XRCC4: variants seen among roughly 807,000 people sequenced by gnomAD.
XRCC4 encodes the protein DNA repair protein XRCC4.
Under a neutral mutation model 39.1 loss-of-function variants are expected in XRCC4, and 28 were observed. That is an observed-to-expected ratio of 0.72 (90% confidence interval 0.53 to 0.98). XRCC4 has a LOEUF of 0.98. Among genes scored for constraint, XRCC4 ranks in the 50% least tolerant of loss-of-function variants. The pLI is 0.00. For synonymous variants in XRCC4, 123 were observed against 126.4 expected, an observed-to-expected ratio of 0.97 and a Z score of 0.18; for missense variants, 350 against 376.4, an observed-to-expected ratio of 0.93 and a Z score of 0.58.
intron 6 of XRCC4, among the ~76,000 whole-genome samples, chr5:83,229,140 T>C (rs1276690011): frequency 6.6e-6 from 1 of 152,034 alleles, no homozygotes; most frequent in African/African-American, 2.4e-5. Flanking sequence ...CCACTTCTCT[T>C]GATATAAAGT....
chr5:83,118,044 CCACACACACACACA>C (rs34524513), intron 3 of XRCC4, among the ~76,000 whole-genome samples: 1 of 118,440 alleles, frequency 8.4e-6, no homozygotes, highest in Non-Finnish European at 1.8e-5. Flanking sequence ...ATATACATCT[CCACACACACACACA>C]CACACACACA....
At chr5:83,165,236 A>G (rs886358264) in intron 3 of XRCC4, among the ~76,000 whole-genome samples, 1 of 152,152 alleles carries the variant, frequency 6.6e-6, no homozygotes, top group Non-Finnish European at 1.5e-5. Flanking sequence ...TAAAATTAAC[A>G]TAGCTGCTGT....
chr5:83,304,203 G>A (rs771989700), intron 7 of XRCC4, among the ~76,000 whole-genome samples: 11 of 138,590 alleles, frequency 7.9e-5, no homozygotes, highest in East Asian at 2.1e-4. Context: ...TTTTTGAGAC[G>A]GAGTCTCACT....
intron 3 of XRCC4, among the ~76,000 whole-genome samples, chr5:83,113,839 G>A (rs539176247): frequency 6.6e-6 from 1 of 152,204 alleles, no homozygotes; most frequent in East Asian, 1.9e-4. Flanking sequence ...TGTTAGCCAA[G>A]ATGGTCTCAA....
chr5:83,312,520 G>C (rs1755741388), intron 7 of XRCC4, among the ~76,000 whole-genome samples: 1 of 152,158 alleles, frequency 6.6e-6, no homozygotes, highest in African/African-American at 2.4e-5. Flanking sequence ...CTTAACTTCT[G>C]CTCTCTAAGA....
At chr5:83,167,281 G>C (rs1749528105) in intron 3 of XRCC4, among the ~76,000 whole-genome samples, 1 of 151,826 alleles carries the variant, frequency 6.6e-6, no homozygotes, top group Non-Finnish European at 1.5e-5. Context: ...CAAGTGGACA[G>C]AGATTGTGAC....
chr5:83,168,179 A>T (rs1749568826), intron 3 of XRCC4, among the ~76,000 whole-genome samples: 1 of 152,178 alleles, frequency 6.6e-6, no homozygotes, highest in South Asian at 2.1e-4. Flanking sequence ...TAAGGATTGT[A>T]AACATTGGAA....
In XRCC4 at chr5:83,251,119, A is replaced by G. The variant is rs1475481783; in HGVS notation, c.746-7411A>G. 2.0e-5 allele frequency among the ~76,000 whole-genome samples: 3 copies of G among 152,220 alleles called. No homozygotes were observed. The East Asian group carries it at 5.8e-4, about 29-fold the overall frequency. ...AATTTACCTTAATATTTGCCTCTGC[A>G]TAGAATAGTTCATAAAACACTCAAT... On this transcript the variant is annotated intron_variant, in intron 6 of 7. Coordinates refer to ENST00000396027, the MANE Select transcript of XRCC4 (RefSeq NM_003401.5).
chr5:83,309,266 C>CAAAAAAAAAAAA (rs59326460), intron 7 of XRCC4, among the ~76,000 whole-genome samples: 1 of 17,388 alleles, frequency 5.8e-5, no homozygotes, highest in Non-Finnish European at 1.3e-4. Flanking sequence ...GACTCCGTCT[C>CAAAAAAAAAAAA]AAAAAAAAAA....
chr5:83,272,370 G>T (rs1387981128), intron 7 of XRCC4, among the ~76,000 whole-genome samples: 1 of 152,040 alleles, frequency 6.6e-6, no homozygotes, highest in Non-Finnish European at 1.5e-5. Flanking sequence ...CTACACTTCT[G>T]TTAGTGTGGG....
At chr5:83,368,196 G>T in the XRCC4 span, among the ~76,000 whole-genome samples, 1 of 152,134 alleles carries the variant, frequency 6.6e-6, no homozygotes, top group Non-Finnish European at 1.5e-5. Flanking sequence ...AAGAGTCAAA[G>T]AATTGAGTTC....
chr5:83,124,874 G>T (rs1420533914), intron 3 of XRCC4, among the ~76,000 whole-genome samples: 3 of 152,184 alleles, frequency 2.0e-5, no homozygotes, highest in African/African-American at 7.2e-5. Flanking sequence ...GATTGTGAAT[G>T]CAGGGCTGTA....
At chr5:83,175,471 AT>A (rs1413975858) in intron 3 of XRCC4, among the ~76,000 whole-genome samples, 2 of 152,228 alleles carry the variant, frequency 1.3e-5, no homozygotes, top group Non-Finnish European at 2.9e-5. Context: ...TAAATAAACT[AT>A]TAGTAATTCA....
At chr5:83,087,015 T>TA (rs1301802037) in intron 1 of XRCC4, among the ~76,000 whole-genome samples, 1 of 152,130 alleles carries the variant, frequency 6.6e-6, no homozygotes, top group Non-Finnish European at 1.5e-5. Flanking sequence ...AAGGTTTAAT[T>TA]AAAAAATCAG....
At chr5:83,124,642 T>C (rs928784570) in intron 3 of XRCC4, among the ~76,000 whole-genome samples, 1 of 152,196 alleles carries the variant, frequency 6.6e-6, no homozygotes, top group Non-Finnish European at 1.5e-5. Context: ...AGTACAAGGG[T>C]TGGCAAACAA....
chr5:83,197,706 CA>C (rs1373363396), intron 4 of XRCC4, among the ~76,000 whole-genome samples: 1 of 152,106 alleles, frequency 6.6e-6, no homozygotes, highest in Non-Finnish European at 1.5e-5. Context: ...CCTGTTTGAT[CA>C]AAAGCACAGC....
At chr5:83,116,623 T>G (rs1209279553) in intron 3 of XRCC4, among the ~76,000 whole-genome samples, 5,094 of 136,484 alleles carry the variant, frequency 0.037, 477 homozygotes, top group African/African-American at 0.13. Flanking sequence ...TTTTTTTTTT[T>G]TTTTTTTTTT....
intron 7 of XRCC4, among the ~76,000 whole-genome samples, chr5:83,304,176 C>CT (rs753535950): frequency 0.022 from 2,772 of 128,354 alleles, 107 homozygotes; most frequent in African/African-American, 0.058. Context: ...TGTTAAACAA[C>CT]TTTTTTTTTT....
chr5:83,300,900 G>GGACAT lies in XRCC4; in HGVS notation c.893+42226_893+42230dup, dbSNP rs1755261691. Among the ~76,000 whole-genome samples, 3 of 152,088 alleles carry GGACAT rather than the reference G, an allele frequency of 2.0e-5. No homozygotes were observed. In the South Asian group the frequency reaches 6.2e-4, roughly 32 times the overall value. On this transcript the variant is annotated intron_variant, in intron 7 of 7. Transcript: ENST00000396027. ...CAGGTTCATCCATGTCCCCTGCAAA[G>GGACAT]GACATGAACTCATTCTTTTTTATGA...
Sources: allele counts gnomAD v4.1 joint callset (sites outside exome capture counted in the v4.1 genomes callset), GRCh38; gene constraint gnomAD v4.1.1; transcripts MANE v1.5; gene names NCBI Gene and HGNC (gene_info 2026-07-23, HGNC 2026-07-21).